Variants in CALN1 observed in about 807,000 individuals in gnomAD.
CALN1 encodes the protein calneuron 1.
In CALN1, 17 loss-of-function variants were observed where a neutral mutation model predicts 30.6. The observed-to-expected ratio is 0.56, with a 90% confidence interval of 0.38 to 0.83. The LOEUF is 0.83. CALN1 is among the 40% of genes least tolerant of loss of function. CALN1 has a pLI of 0.00. For missense variants in CALN1, 291 were observed against 354.9 expected, an observed-to-expected ratio of 0.82 and a Z score of 1.45; for synonymous variants, 156 against 131.4, an observed-to-expected ratio of 1.19 and a Z score of -1.28.
intron 5 of CALN1, among the ~76,000 whole-genome samples, chr7:71,821,305 C>T (rs1788574409): frequency 6.6e-6 from 1 of 152,036 alleles, no homozygotes; most frequent in African/African-American, 2.4e-5. Context: ...TCATATTAAT[C>T]CGTTTTCATA....
intron 3 of CALN1, among the ~76,000 whole-genome samples, chr7:72,167,720 T>C (rs907931434): frequency 8.5e-5 from 13 of 152,236 alleles, no homozygotes; most frequent in African/African-American, 2.7e-4. Flanking sequence ...AGATGGTTTT[T>C]CTTCCCTTAA....
At chr7:72,405,317 G>A (rs951659131) in intron 1 of CALN1, among the ~76,000 whole-genome samples, 6 of 152,194 alleles carry the variant, frequency 3.9e-5, no homozygotes, top group East Asian at 1.9e-4. Flanking sequence ...CTGGTCTTCA[G>A]ATGCGTGCTC....
chr7:71,810,977 C>T (rs1787919374), intron 5 of CALN1, among the ~76,000 whole-genome samples: 1 of 150,872 alleles, frequency 6.6e-6, no homozygotes, highest in Admixed American at 6.6e-5. Flanking sequence ...CTCACTGCAA[C>T]CTCGCCTCCC....
intron 2 of CALN1, among the ~76,000 whole-genome samples, chr7:72,382,168 G>A (rs1804942463): frequency 6.6e-6 from 1 of 152,240 alleles, no homozygotes; most frequent in South Asian, 2.1e-4. Flanking sequence ...TCCTTCAGCT[G>A]ATGGGAGCAC....
At chr7:72,007,302 T>C (rs1470287613) in intron 5 of CALN1, among the ~76,000 whole-genome samples, 1 of 152,192 alleles carries the variant, frequency 6.6e-6, no homozygotes, top group Non-Finnish European at 1.5e-5. Context: ...TCCCAGCACT[T>C]TGGTAGGCCG....
rs923592782 is a variant in CALN1, at chr7:72,328,736, C to T, written c.120-49926G>A. ...GTTGAGACAGAGTCTCGCTCTGTTG[C>T]CCAGGCTGGAGTGCAGTGGCACAAT... is the stretch of plus-strand genomic sequence containing the variant. On this transcript the variant is annotated intron_variant, in intron 2 of 6. Transcript: ENST00000395275. Among the ~76,000 whole-genome samples the T allele has an allele frequency of 5.2e-4, 79 of 152,222 alleles. 1 individual carries two copies. The highest frequency in any genetic ancestry group is 1.8e-3 in the African/African-American group (74 of 41,444).
At chr7:72,259,712 T>C (rs1182480253) in intron 3 of CALN1, among the ~76,000 whole-genome samples, 1 of 152,174 alleles carries the variant, frequency 6.6e-6, no homozygotes, top group African/African-American at 2.4e-5. Flanking sequence ...TAGAATAACA[T>C]AAACACAGCA....
intron 5 of CALN1, among the ~76,000 whole-genome samples, chr7:71,971,953 A>AAGAAAGAAAAG (rs1797838362): frequency 6.9e-5 from 5 of 72,838 alleles, no homozygotes; most frequent in African/African-American, 2.8e-4. Context: ...AAAAAAAAAA[A>AAGAAAGAAAAG]AAAGAAAGAA....
chr7:72,493,309 T>C, the CALN1 span, among the ~76,000 whole-genome samples: 1 of 152,286 alleles, frequency 6.6e-6, no homozygotes, highest in East Asian at 1.9e-4. Flanking sequence ...AGCATAATGT[T>C]TTCAAGGTTT....
At chr7:72,433,857 G>T (rs962637056) in intron 1 of CALN1, among the ~76,000 whole-genome samples, 22 of 152,144 alleles carry the variant, frequency 1.4e-4, no homozygotes, top group African/African-American at 5.1e-4. Context: ...AGGAGTTCCA[G>T]ACCAGCCTGG....
At chr7:71,935,850 C>A (rs553134701) in intron 5 of CALN1, among the ~76,000 whole-genome samples, 4 of 152,182 alleles carry the variant, frequency 2.6e-5, no homozygotes, top group African/African-American at 9.6e-5. Flanking sequence ...CTTGAGGTTG[C>A]GGGATGCTTG....
At chr7:72,474,687 A>T in the CALN1 span, among the ~76,000 whole-genome samples, 2 of 123,978 alleles carry the variant, frequency 1.6e-5, no homozygotes, top group African/African-American at 1.0e-4. Flanking sequence ...TCTTGTCCCA[A>T]AAAAAAAAAA....
At chr7:72,208,865 C>T (rs1792094318) in intron 3 of CALN1, among the ~76,000 whole-genome samples, 1 of 152,114 alleles carries the variant, frequency 6.6e-6, no homozygotes, top group South Asian at 2.1e-4. Flanking sequence ...AGTGGCTGCT[C>T]TCCAGGAAGG....
the CALN1 span, among the ~76,000 whole-genome samples, chr7:72,483,182 AT>A: frequency 1.3e-5 from 2 of 148,622 alleles, no homozygotes; most frequent in African/African-American, 5.0e-5. Flanking sequence ...TAGTTTGATT[AT>A]GATATGCTTT....
chr7:72,375,432 G>A (rs541666149), intron 2 of CALN1, among the ~76,000 whole-genome samples: 90 of 151,896 alleles, frequency 5.9e-4, no homozygotes, highest in Non-Finnish European at 5.6e-4. Context: ...AAGTGTGGTG[G>A]TGCACACCTG....
intron 2 of CALN1, among the ~76,000 whole-genome samples, chr7:72,315,358 G>A (rs1172969698): frequency 1.3e-5 from 2 of 152,006 alleles, no homozygotes; most frequent in African/African-American, 4.8e-5. Flanking sequence ...GAAAAATCAA[G>A]CAGCCAATAA....
At chr7:72,376,137 C>G (rs1804539602) in intron 2 of CALN1, among the ~76,000 whole-genome samples, 1 of 152,196 alleles carries the variant, frequency 6.6e-6, no homozygotes, top group Non-Finnish European at 1.5e-5. Context: ...TTTATCCATT[C>G]ATCAGTTGAT....
intron 1 of CALN1, among the ~76,000 whole-genome samples, chr7:72,410,261 C>T (rs1057195465): frequency 4.6e-5 from 7 of 152,166 alleles, no homozygotes; most frequent in Non-Finnish European, 2.9e-5. Flanking sequence ...GCAATGAAGT[C>T]TCATCACTGC....
At chr7:71,839,626 G>C (rs934506376) in intron 5 of CALN1, among the ~76,000 whole-genome samples, 3 of 152,178 alleles carry the variant, frequency 2.0e-5, no homozygotes, top group Admixed American at 1.3e-4. Context: ...TGGATTATCT[G>C]CTGAAGCCTT....
Sources: allele counts gnomAD v4.1 joint callset (sites outside exome capture counted in the v4.1 genomes callset), GRCh38; gene constraint gnomAD v4.1.1; transcripts MANE v1.5; gene names NCBI Gene and HGNC (gene_info 2026-07-23, HGNC 2026-07-21).